The following REXO1 variants were observed in gnomAD, a reference collection of about 807,000 sequenced individuals.
REXO1 encodes the protein RNA exonuclease 1 homolog.
REXO1 carries 42 observed loss-of-function variants against 102.6 expected under a neutral mutation model. That is an observed-to-expected ratio of 0.41 (90% confidence interval 0.32 to 0.53). The LOEUF (loss-of-function observed/expected upper bound fraction) is 0.53. Ranked by LOEUF, REXO1 falls within the 20% of genes least tolerant of loss-of-function variation. The pLI is 0.27. For synonymous variants in REXO1, 908 were observed against 779.1 expected (o/e 1.17, Z -2.76); for missense variants, 1,819 against 1,732.5 (o/e 1.05, Z -0.89).
rs1241358660 is a variant in REXO1 at position 1,848,348 on chromosome 19, G to C, written c.11C>G (p.Ser4Cys). The C allele has an allele frequency of 8.2e-7, 1 of 1,221,944 alleles. No individual in the cohort carries two copies. The highest frequency in any genetic ancestry group is 1.6e-5 in the African/African-American group (1 of 63,442). 75.7% of individuals were successfully genotyped at this position (1,221,944 alleles called of 1,614,324 possible). Reference protein sequence around the residue: MLRSTGFFRAIDCP... With the variant: MLRCTGFFRAIDCP... ...GTCAATGGCCCGGAAGAAGCCAGTGGAGCGTAGCATGGTCCGTCCCGCGGC... is the reference window on the plus strand; with the variant it reads ...GTCAATGGCCCGGAAGAAGCCAGTGCAGCGTAGCATGGTCCGTCCCGCGGC... The change falls in exon 1 of 16, where the codon TCC (serine) becomes TGC (cysteine). Residue 4 changes from serine (S) to cysteine (C), a missense_variant. Ser to Cys is a moderately radical substitution (Grantham distance 112). Coordinates refer to ENST00000170168, the MANE Select transcript of REXO1 (RefSeq NM_020695.4).
intron 1 of REXO1, among the ~76,000 whole-genome samples, chr19:1,840,623 G>T (rs559476185): frequency 6.6e-6 from 1 of 152,122 alleles, no homozygotes; most frequent in East Asian, 1.9e-4. Flanking sequence ...CCTGTGTTTG[G>T]AAACACTCGC....
intron 10 of REXO1, among the ~76,000 whole-genome samples, chr19:1,818,085 G>C (rs772562602): frequency 6.6e-6 from 1 of 152,220 alleles, no homozygotes; most frequent in Admixed American, 6.5e-5. Flanking sequence ...GCTGTGCAAG[G>C]CTGGCCATGT....
At chr19:1,841,155 TC>T (rs1440283188) in intron 1 of REXO1, among the ~76,000 whole-genome samples, 1 of 151,900 alleles carries the variant, frequency 6.6e-6, no homozygotes, top group African/African-American at 2.4e-5. Context: ...ACTCGAGAGG[TC>T]CCCGTGAGGC....
At chr19:1,836,373 C>G (rs1023009192) in intron 1 of REXO1, among the ~76,000 whole-genome samples, 1 of 152,204 alleles carries the variant, frequency 6.6e-6, no homozygotes, top group Admixed American at 6.5e-5. Flanking sequence ...CCAGTGCCAG[C>G]GAGAGCCGGC....
chr19:1,815,278 T>C lies in REXO1; in HGVS notation c.*788A>G, dbSNP rs536824087. The C allele has an allele frequency of 6.5e-6, 1 of 153,152 alleles. No homozygotes were observed. Among genetic ancestry groups the C allele is most frequent in the East Asian group, 1.9e-4 (1 of 5,184 alleles). 9.5% of individuals were successfully genotyped at this position (153,152 alleles called of 1,614,324 possible). ...TCCATACAAACATTTATTCTGTCCC[T>C]GCCTGGAGGTGAGGGGGAAGGGGGT... is the stretch of plus-strand genomic sequence containing the variant. On this transcript the variant is annotated 3_prime_UTR_variant, in exon 16 of 16. Coordinates refer to ENST00000170168, the MANE Select transcript of REXO1 (RefSeq NM_020695.4). The surrounding 1 kb of genome is among the most constrained non-coding windows in gnomAD (Gnocchi z 4.0).
In REXO1 at chr19:1,828,322, TGGCTGCCGG is replaced by T. The variant is rs760666673; in HGVS notation, c.458_466del (p.Pro153_Ser155del). 5.3e-5 allele frequency: 85 copies of T among 1,609,746 alleles called. No individual in the cohort carries two copies. Among genetic ancestry groups the T allele is most frequent in the Admixed American group, 1.7e-5 (1 of 59,740 alleles). ...GCCGGCATCAGGGCTTAATAGGCCG[TGGCTGCCGG>T]GGCTGTAGTCGAAGGCCAGTGGGAA... is the stretch of plus-strand genomic sequence containing the variant. On this transcript the variant is annotated inframe_deletion, in exon 2 of 16. Transcript: ENST00000170168.
chr19:1,846,681 G>A (rs552691175), intron 1 of REXO1, among the ~76,000 whole-genome samples: 1 of 152,318 alleles, frequency 6.6e-6, no homozygotes, highest in South Asian at 2.1e-4. Context: ...TCGAGGCCAG[G>A]AGTTTTGAGA....
intron 5 of REXO1, among the ~76,000 whole-genome samples, chr19:1,820,625 G>A (rs2069506055): frequency 6.6e-6 from 1 of 152,194 alleles, no homozygotes; most frequent in Non-Finnish European, 1.5e-5. Flanking sequence ...GGGGCACAAG[G>A]GAACTTGCTG....
rs749396393 is a variant in REXO1 at position 1,821,618 on chromosome 19, T to C, written c.2295A>G (p.Pro765=). 1.1e-5 allele frequency: 18 copies of C among 1,613,608 alleles called. No homozygotes were observed. Among genetic ancestry groups the C allele is most frequent in the Non-Finnish European group, 1.5e-5 (18 of 1,179,902 alleles). ...SGSQSSNGPE[P]GGQQLKTRTL... is the part of the protein sequence containing the mutation. Reference sequence around the variant, plus strand: ...TGCGTGTTTTCAGCTGCTGGCCACCTGGCTCAGGGCCGTTGGAGGACTGGC... The same window carrying C: ...TGCGTGTTTTCAGCTGCTGGCCACCCGGCTCAGGGCCGTTGGAGGACTGGC... The change falls in exon 5 of 16, where the codon CCA becomes CCG. Residue 765 remains proline (P), a synonymous_variant. Coordinates refer to ENST00000170168, the MANE Select transcript of REXO1 (RefSeq NM_020695.4).
chr19:1,825,405 C>T (rs1181140683), intron 3 of REXO1, among the ~76,000 whole-genome samples: 2 of 151,508 alleles, frequency 1.3e-5, no homozygotes, highest in African/African-American at 2.4e-5. Context: ...GCTGGGAAGC[C>T]GAGGCAGGAG....
At chr19:1,846,504 G>C (rs1350617842) in intron 1 of REXO1, among the ~76,000 whole-genome samples, 2 of 152,194 alleles carry the variant, frequency 1.3e-5, no homozygotes, top group Non-Finnish European at 2.9e-5. Flanking sequence ...TAGGAACGGG[G>C]GGCAGACAGG....
At position 1,827,007 on chromosome 19, in the gene REXO1, C is replaced by G; in HGVS notation, c.1782G>C (p.Gly594=). ...CCAGGGCCGAGTAGTCCACATCCGC[C>G]CCCGCGCTGGAGGTGGAGGAGGAGG... is the stretch of plus-strand genomic sequence containing the variant. The part of the protein sequence containing the change: ...SSSSSSTSSA[G]ADVDYSALEK... The change falls in exon 2 of 16, where the codon GGG becomes GGC. Residue 594 remains glycine (G), a synonymous_variant. Transcript: ENST00000170168. 1 of 1,550,414 alleles carries G rather than the reference C, an allele frequency of 6.4e-7. No homozygotes were observed. Among genetic ancestry groups the G allele is most frequent in the Non-Finnish European group, 8.7e-7 (1 of 1,148,158 alleles).
intron 1 of REXO1, 75 bp from the exon 2 acceptor site, chr19:1,828,706 C>T: frequency 6.8e-7 from 1 of 1,472,574 alleles, no homozygotes; most frequent in Non-Finnish European, 9.0e-7. Context: ...GCCCCGGTCT[C>T]AAACTGCAGG....
Position 1,827,433 on chromosome 19 carries a change from G to A in REXO1, c.1356C>T (p.Asp452=). 1 of 1,553,418 alleles carries A rather than the reference G, an allele frequency of 6.4e-7. No individual in the cohort carries two copies. The highest frequency in any genetic ancestry group is 8.6e-7 in the Non-Finnish European group (1 of 1,160,098). The change falls in exon 2 of 16, where the codon GAC becomes GAT. Residue 452 remains aspartate (D), a synonymous_variant. Transcript: ENST00000170168. ...TGGGGCTCGGCCGCCGCGCTGGCCG[G>A]TCAGGCCTCCCTTTCCCTGAGGTGG... The part of the protein sequence containing the change: ...PVATSGKGRP[D]RPARRPSPTS...
At chr19:1,819,155 G>A in intron 7 of REXO1, 24 bp from the exon 8 acceptor site, 2 of 1,535,764 alleles carry the variant, frequency 1.3e-6, no homozygotes, top group Non-Finnish European at 1.8e-6. Flanking sequence ...AGGGAGGGGA[G>A]GAGGGTGTGA....
At chr19:1,816,182 G>GC in intron 15 of REXO1, 28 bp from the exon 16 acceptor site, 1 of 1,559,752 alleles carries the variant, frequency 6.4e-7, no homozygotes, top group East Asian at 2.4e-5. Flanking sequence ...TGAGCACCCG[G>GC]CCCCTGCGCA....
chr19:1,827,848 T>C lies in REXO1; in HGVS notation c.941A>G (p.Glu314Gly), dbSNP rs1379171033. 3 of 1,612,888 alleles carry C rather than the reference T, an allele frequency of 1.9e-6. No individual in the cohort carries two copies. The Admixed American group carries it at 5.0e-5, about 27-fold the overall frequency. Reference protein sequence around the residue: ...ASTPKARADPEIKATGQPPSK... With the variant: ...ASTPKARADPGIKATGQPPSK... ...GGGTGGCTGCCCGGTGGCCTTGATC[T>C]CAGGGTCGGCCCTGGCTTTGGGGGT... Residue 314 changes from glutamate (E) to glycine (G), a missense_variant, in exon 2 of 16, where the codon GAG becomes GGG. By Grantham distance (98) the Glu-to-Gly change is moderately conservative (BLOSUM62 -2). Transcript: ENST00000170168.
intron 1 of REXO1, among the ~76,000 whole-genome samples, chr19:1,837,537 A>C (rs2070074803): frequency 6.6e-6 from 1 of 152,074 alleles, no homozygotes; most frequent in African/African-American, 2.4e-5. Flanking sequence ...GACCTCCACC[A>C]CCCAGCAGCT....
At chr19:1,831,608 T>G (rs1174938398) in intron 1 of REXO1, among the ~76,000 whole-genome samples, 2 of 151,708 alleles carry the variant, frequency 1.3e-5, no homozygotes, top group African/African-American at 4.8e-5. Flanking sequence ...TTTGGGAGGC[T>G]GAGGCGGGCG....
Sources: gnomAD v4.1 joint callset for allele counts (sites outside exome capture counted in the v4.1 genomes callset) on GRCh38, gnomAD v4.1.1 for gene constraint, Gnocchi (gnomAD v3.1) non-coding constraint, MANE v1.5 for transcripts, NCBI Gene and HGNC (gene_info 2026-07-23, HGNC 2026-07-21) for gene names.